The following ACSL4 variants were observed in gnomAD, a reference collection of about 807,000 sequenced individuals.
ACSL4 encodes the protein long-chain-fatty-acid--CoA ligase 4.
In ACSL4, 9 loss-of-function variants were observed where a neutral mutation model predicts 49.1. The ratio of observed to expected loss-of-function variants is 0.18; its 90% CI spans 0.11 to 0.32. ACSL4 has a LOEUF of 0.32. Ranked by LOEUF, ACSL4 falls within the 10% of genes least tolerant of loss-of-function variation. The pLI, the probability that ACSL4 is intolerant of heterozygous loss-of-function variation, is 1.00. For missense variants in ACSL4, 333 were observed against 493.7 expected (o/e 0.67, Z 3.08); for synonymous variants, 191 against 170.3 (o/e 1.12, Z -0.95).
chrX:109,660,209 A>C (rs759422398), intron 14 of ACSL4, among the ~76,000 whole-genome samples: 1 of 111,587 alleles, frequency 9.0e-6, no homozygotes, highest in African/African-American at 3.2e-5. Context: ...AGGGGTTAAT[A>C]AACAGAATAT....
intron 9 of ACSL4, among the ~76,000 whole-genome samples, chrX:109,672,753 G>A (rs1319820883): frequency 1.8e-5 from 2 of 108,706 alleles, no homozygotes; most frequent in African/African-American, 3.4e-5. Context: ...TTACTATCTC[G>A]AGGCCGCAAG....
intron 1 of ACSL4, among the ~76,000 whole-genome samples, chrX:109,724,174 G>A (rs142523287): frequency 0.018 from 2,063 of 111,900 alleles, 33 homozygotes; most frequent in African/African-American, 0.063. Flanking sequence ...AATATGTATG[G>A]CAAACATTTC....
Position 109,643,934 on chromosome X carries a change from C to A in ACSL4, c.*95G>T, listed in dbSNP as rs1033848425. On this transcript the variant is annotated 3_prime_UTR_variant, in exon 16 of 16. Transcript: ENST00000672401. ...TTTACTCTATCTTTAGAATGATATA[C>A]CTTACATTCTAACAGTTCAACAAAG... 3 of 954,171 alleles carry A rather than the reference C, an allele frequency of 3.1e-6. No individual in the cohort carries two copies. In the Admixed American group the frequency reaches 6.6e-5, roughly 21 times the overall value. The allele number at this position is 954,171 out of a possible 1,213,427, so 78.6% of individuals were successfully genotyped here.
chrX:109,676,777 C>T (rs1291745176), intron 8 of ACSL4, among the ~76,000 whole-genome samples: 1 of 111,348 alleles, frequency 9.0e-6, no homozygotes, highest in Non-Finnish European at 1.9e-5. Flanking sequence ...AAGGAAGAAT[C>T]CTAACTTAGT....
At position 109,718,507 on chromosome X, in the gene ACSL4, C is replaced by A. The variant is rs1466979509; in HGVS notation, c.-66+14632G>T. The stretch of plus-strand genomic sequence containing the variant: ...CAGTGGCTTACTCATGTAATCCCAA[C>A]ATTTTGGGAGACTGAGGCAGGCAAA... On this transcript the variant is annotated intron_variant, in intron 1 of 15. Coordinates refer to ENST00000672401, the MANE Select transcript of ACSL4 (RefSeq NM_001318510.2). Among the ~76,000 whole-genome samples the A allele has an allele frequency of 3.6e-5, 4 of 112,391 alleles. No individual in the cohort carries two copies. In the East Asian group the frequency reaches 1.1e-3, roughly 31 times the overall value.
At chrX:109,728,423 TAC>T (rs1433517102) in intron 1 of ACSL4, among the ~76,000 whole-genome samples, 2 of 112,714 alleles carry the variant, frequency 1.8e-5, no homozygotes, top group African/African-American at 6.4e-5. Flanking sequence ...TGGAAAATGA[TAC>T]AGTTTTGCCA....
Position 109,717,320 on chromosome X carries a change from C to T in ACSL4, c.-66+15819G>A, listed in dbSNP as rs769835825. 3.6e-5 allele frequency among the ~76,000 whole-genome samples: 4 copies of T among 110,117 alleles called. No individual in the cohort carries two copies. In the East Asian group the frequency reaches 1.1e-3, roughly 31 times the overall value. On this transcript the variant is annotated intron_variant, in intron 1 of 15. Transcript: ENST00000672401. The stretch of plus-strand genomic sequence containing the variant: ...GACCAACCTGACCAACATGGTGAAA[C>T]CCCGTCTCTACTAAAAATACAAAAA...
chrX:109,715,038 G>A (rs774856469), intron 1 of ACSL4, among the ~76,000 whole-genome samples: 7 of 111,457 alleles, frequency 6.3e-5, no homozygotes, highest in African/African-American at 2.3e-4. Flanking sequence ...TTGAGCTCAG[G>A]AGTTCGAGAC....
intron 15 of ACSL4, among the ~76,000 whole-genome samples, chrX:109,644,693 C>G (rs556043462): frequency 2.2e-4 from 25 of 112,487 alleles, no homozygotes; most frequent in South Asian, 1.1e-3. Context: ...TGGCCAAATA[C>G]GAACAGCTCT....
At chrX:109,719,213 G>C (rs768173962) in intron 1 of ACSL4, among the ~76,000 whole-genome samples, 2 of 111,828 alleles carry the variant, frequency 1.8e-5, no homozygotes, top group East Asian at 5.6e-4. Context: ...TGCAATCATA[G>C]GCCAATCACT....
At chrX:109,714,942 T>C (rs1440881167) in intron 1 of ACSL4, among the ~76,000 whole-genome samples, 1 of 111,949 alleles carries the variant, frequency 8.9e-6, no homozygotes, top group African/African-American at 3.2e-5. Flanking sequence ...AAGTAAATGC[T>C]AATATTAAGT....
intron 10 of ACSL4, 52 bp downstream of exon 10, chrX:109,668,982 A>G (rs1922922767): frequency 1.8e-6 from 2 of 1,086,665 alleles, no homozygotes; most frequent in Admixed American, 4.6e-5. Flanking sequence ...TGGATTTAAA[A>G]GCATAAAAAA....
At chrX:109,719,674 G>C (rs1049576517) in intron 1 of ACSL4, among the ~76,000 whole-genome samples, 2 of 111,983 alleles carry the variant, frequency 1.8e-5, no homozygotes, top group African/African-American at 3.2e-5. Context: ...CAATTCTTTG[G>C]GGGAATGTTT....
chrX:109,699,607 T>G (rs759567657), intron 1 of ACSL4, among the ~76,000 whole-genome samples: 2 of 111,864 alleles, frequency 1.8e-5, no homozygotes, highest in Admixed American at 9.5e-5. Flanking sequence ...ATTCTAAATA[T>G]GTACATATAT....
At chrX:109,699,449 A>G (rs1925703558) in intron 1 of ACSL4, among the ~76,000 whole-genome samples, 1 of 112,450 alleles carries the variant, frequency 8.9e-6, no homozygotes, top group Non-Finnish European at 1.9e-5. Flanking sequence ...TCCCTAAACA[A>G]TGGTCCTTGA....
chrX:109,645,865 C>T (rs767696284), intron 15 of ACSL4, among the ~76,000 whole-genome samples: 36 of 112,055 alleles, frequency 3.2e-4, no homozygotes, highest in African/African-American at 1.1e-3. Context: ...TCGAGAACTA[C>T]GTGAAGAATG....
At chrX:109,660,084 A>G (rs1392559283) in intron 14 of ACSL4, among the ~76,000 whole-genome samples, 4 of 111,220 alleles carry the variant, frequency 3.6e-5, no homozygotes, top group Non-Finnish European at 7.6e-5. Flanking sequence ...CAAAAAACAG[A>G]TAACTGGGAC....
chrX:109,667,724 C>T (rs907392983), intron 11 of ACSL4, among the ~76,000 whole-genome samples: 3 of 110,812 alleles, frequency 2.7e-5, no homozygotes, highest in Non-Finnish European at 3.8e-5. Context: ...TGGTGAAACC[C>T]CATCTAAAAA....
At chrX:109,646,065 G>A (rs1278284889) in intron 15 of ACSL4, among the ~76,000 whole-genome samples, 10 of 112,060 alleles carry the variant, frequency 8.9e-5, no homozygotes. Flanking sequence ...TGAAAGTGAT[G>A]GGGAGAATGG....
Sources: gnomAD v4.1 joint callset for allele counts (sites outside exome capture counted in the v4.1 genomes callset) on GRCh38, gnomAD v4.1.1 for gene constraint, MANE v1.5 for transcripts, NCBI Gene and HGNC (gene_info 2026-07-23, HGNC 2026-07-21) for gene names.